Variants in MCTP1 observed in about 807,000 individuals in gnomAD.
MCTP1 encodes the protein multiple C2 and transmembrane domain-containing protein 1.
Under a neutral mutation model 120.6 loss-of-function variants are expected in MCTP1, and 69 were observed. The ratio of observed to expected loss-of-function variants is 0.57; its 90% CI spans 0.47 to 0.70. The LOEUF (loss-of-function observed/expected upper bound fraction) is 0.70. Among genes scored for constraint, MCTP1 ranks in the 30% least tolerant of loss-of-function variants. MCTP1 has a pLI of 0.00. For synonymous variants in MCTP1, 529 were observed against 493.1 expected (o/e 1.07, Z -0.96); for missense variants, 1,203 against 1,248.8 (o/e 0.96, Z 0.55).
chr5:95,061,408 G>GTTGTTTT lies in MCTP1; in HGVS notation c.721-43925_721-43924insAAAACAA, dbSNP rs1749067994. Among the ~76,000 whole-genome samples the GTTGTTTT allele has an allele frequency of 5.4e-4, 18 of 33,488 alleles. 2 individuals carry two copies. The highest frequency in any genetic ancestry group is 9.3e-4 in the Non-Finnish European group (15 of 16,078). The allele number at this position is 33,488 out of a possible 152,430, so 22.0% of individuals were successfully genotyped here. On this transcript the variant is annotated intron_variant, in intron 1 of 22. Coordinates refer to ENST00000515393, the MANE Select transcript of MCTP1 (RefSeq NM_024717.7). Reference sequence around the variant, plus strand: ...ATCAATTTTCACAAACCCCTTAAGGGTTTTTTTTTTTTTTTTTTTTTTTTT... The same window carrying GTTGTTTT: ...ATCAATTTTCACAAACCCCTTAAGGGTTGTTTTTTTTTTTTTTTTTTTTTTTTTTTTT...
intron 4 of MCTP1, among the ~76,000 whole-genome samples, chr5:94,941,629 G>A (rs890464988): frequency 6.6e-6 from 1 of 151,860 alleles, no homozygotes; most frequent in East Asian, 1.9e-4. Flanking sequence ...CATCAAAGAA[G>A]GTTTCACAGT....
intron 17 of MCTP1, among the ~76,000 whole-genome samples, chr5:94,824,123 G>A (rs867186065): frequency 7.9e-5 from 12 of 152,196 alleles, no homozygotes; most frequent in African/African-American, 2.2e-4. Flanking sequence ...GTCTTGTGCC[G>A]GTTTTCAAAG....
At chr5:95,171,644 G>T (rs980191123) in intron 1 of MCTP1, among the ~76,000 whole-genome samples, 8 of 152,042 alleles carry the variant, frequency 5.3e-5, no homozygotes, top group South Asian at 4.2e-4. Context: ...TTCTCTTCTC[G>T]CTTCATTTCA....
Position 94,870,382 on chromosome 5 carries a change from CT to C in MCTP1, c.2316+34del, listed in dbSNP as rs780958090. 4 of 1,391,302 alleles carry C rather than the reference CT, an allele frequency of 2.9e-6. No individual in the cohort carries two copies. In the East Asian group the frequency reaches 9.2e-5, roughly 32 times the overall value. The allele number at this position is 1,391,302 out of a possible 1,614,324, so 86.2% of individuals were successfully genotyped here. ...AGATGTTTTACAGATATAATCAGGT[CT>C]TCCCAGAGGGATTAATCTTTTCTTG... On this transcript the variant is annotated intron_variant, in intron 16 of 22. Transcript: ENST00000515393.
In MCTP1 at chr5:95,184,892, C is replaced by T. The variant is rs577816651; in HGVS notation, c.720+98964G>A. On this transcript the variant is annotated intron_variant, in intron 1 of 22. Coordinates refer to ENST00000515393, the MANE Select transcript of MCTP1 (RefSeq NM_024717.7). ...CATTAAGAAAACCTAACTTCAACCC[C>T]CTATGATTCCATCTCCAACCTGACC... Among the ~76,000 whole-genome samples the T allele has an allele frequency of 2.0e-5, 3 of 152,248 alleles. No homozygotes were observed. In the East Asian group the frequency reaches 5.8e-4, roughly 29 times the overall value.
rs1248008511 is a variant in MCTP1, at chr5:94,704,862, G to A, written c.*2634C>T. 1 of 150,850 alleles carries A rather than the reference G, an allele frequency of 6.6e-6. No homozygotes were observed. Among genetic ancestry groups the A allele is most frequent in the African/African-American group, 2.4e-5 (1 of 41,206 alleles). 9.3% of individuals were successfully genotyped at this position (150,850 alleles called of 1,614,324 possible). A position where few individuals can be genotyped will look rare whatever the true frequency, so the allele number is the denominator to read the frequency against. ...ATATGCACTAGGATAATCTGAGTTGGGAGATTCAATCAATCAATCAGTTTG... is the reference window on the plus strand; with the variant it reads ...ATATGCACTAGGATAATCTGAGTTGAGAGATTCAATCAATCAATCAGTTTG... On this transcript the variant is annotated 3_prime_UTR_variant, in exon 23 of 23. Transcript: ENST00000515393.
chr5:94,786,256 TTTTTC>T (rs1211155995), intron 18 of MCTP1, among the ~76,000 whole-genome samples: 5 of 152,140 alleles, frequency 3.3e-5, no homozygotes, highest in Non-Finnish European at 7.4e-5. Flanking sequence ...TTGAGTTTTC[TTTTTC>T]TTTTCTTTTC....
At chr5:94,854,773 A>G (rs1450761375) in intron 17 of MCTP1, among the ~76,000 whole-genome samples, 1 of 151,940 alleles carries the variant, frequency 6.6e-6, no homozygotes, top group Non-Finnish European at 1.5e-5. Context: ...CAAAGCTTAA[A>G]TCAAATTCTT....
At chr5:95,148,376 T>C (rs1362525991) in intron 1 of MCTP1, among the ~76,000 whole-genome samples, 1 of 152,204 alleles carries the variant, frequency 6.6e-6, no homozygotes, top group African/African-American at 2.4e-5. Flanking sequence ...AAATTCCATA[T>C]TTATTGGAGG....
intron 10 of MCTP1, among the ~76,000 whole-genome samples, chr5:94,906,955 C>A (rs1217895482): frequency 6.6e-6 from 1 of 152,186 alleles, no homozygotes; most frequent in Non-Finnish European, 1.5e-5. Context: ...ATTATGATGA[C>A]AGTTTTATTA....
At chr5:94,990,380 T>G (rs1262196039) in intron 2 of MCTP1, among the ~76,000 whole-genome samples, 2 of 152,212 alleles carry the variant, frequency 1.3e-5, no homozygotes, top group African/African-American at 4.8e-5. Flanking sequence ...ATCTGGACCC[T>G]GGGATCTTGG....
At chr5:94,755,309 A>G (rs1769512207) in intron 19 of MCTP1, among the ~76,000 whole-genome samples, 1 of 151,816 alleles carries the variant, frequency 6.6e-6, no homozygotes, top group Admixed American at 6.6e-5. Flanking sequence ...CTAGCTCTGG[A>G]TTCCTCCTTC....
At chr5:95,103,623 T>C (rs1756895855) in intron 1 of MCTP1, among the ~76,000 whole-genome samples, 1 of 152,186 alleles carries the variant, frequency 6.6e-6, no homozygotes, top group Non-Finnish European at 1.5e-5. Context: ...AAATGTACAG[T>C]TGCTTTTTAA....
chr5:95,237,242 C>A (rs890223970), intron 1 of MCTP1, among the ~76,000 whole-genome samples: 5 of 152,168 alleles, frequency 3.3e-5, no homozygotes, highest in South Asian at 2.1e-4. Flanking sequence ...AGCCCCTTAA[C>A]CTTTTCCCAG....
At chr5:94,871,966 A>C (rs897401287) in intron 13 of MCTP1, among the ~76,000 whole-genome samples, 2 of 152,154 alleles carry the variant, frequency 1.3e-5, no homozygotes, top group Admixed American at 1.3e-4. Context: ...GAATGGAGAA[A>C]ATGTAACATA....
At chr5:94,946,851 C>T (rs1819064302) in intron 3 of MCTP1, among the ~76,000 whole-genome samples, 1 of 152,174 alleles carries the variant, frequency 6.6e-6, no homozygotes, top group African/African-American at 2.4e-5. Flanking sequence ...ATCCTTCTCC[C>T]CCAGTGCTTA....
chr5:95,146,800 G>A, intron 1 of MCTP1, among the ~76,000 whole-genome samples: 1 of 152,110 alleles, frequency 6.6e-6, no homozygotes, highest in South Asian at 2.1e-4. Flanking sequence ...AGCTGGGCAT[G>A]TGGACTATCT....
intron 2 of MCTP1, among the ~76,000 whole-genome samples, chr5:95,009,051 GGAGAAAGAGAGAGA>G (rs776881191): frequency 0.016 from 1,217 of 78,098 alleles, 12 homozygotes; most frequent in Non-Finnish European, 0.022. Flanking sequence ...AGTGAGAGAG[GGAGAAAGAGAGAGA>G]GAGAGAGAGA....
intron 19 of MCTP1, among the ~76,000 whole-genome samples, chr5:94,726,886 G>T (rs1475728419): frequency 6.6e-6 from 1 of 152,096 alleles, no homozygotes; most frequent in Non-Finnish European, 1.5e-5. Context: ...TTAAACTTGG[G>T]TCTTCCCCAA....
Sources: gnomAD v4.1 joint callset for allele counts (sites outside exome capture counted in the v4.1 genomes callset) on GRCh38, gnomAD v4.1.1 for gene constraint, MANE v1.5 for transcripts, NCBI Gene and HGNC (gene_info 2026-07-23, HGNC 2026-07-21) for gene names.